The following SBF2 variants were observed in gnomAD, a reference collection of about 807,000 sequenced individuals.
The protein encoded by SBF2 is SET binding factor 2, also known as myotubularin-related protein 13.
SBF2 carries 112 observed loss-of-function variants against 225.2 expected under a neutral mutation model. The observed-to-expected ratio is 0.50, with a 90% CI of 0.43 to 0.58. SBF2 has a LOEUF of 0.58. Ranked by LOEUF, SBF2 falls within the 20% of genes least tolerant of loss-of-function variation. SBF2 has a pLI of 0.00. For synonymous variants in SBF2, 763 were observed against 773.3 expected, an observed-to-expected ratio of 0.99 and a Z score of 0.22; for missense variants, 1,996 against 2,206.2, an observed-to-expected ratio of 0.90 and a Z score of 1.91.
intron 1 of SBF2, among the ~76,000 whole-genome samples, chr11:10,209,370 C>T (rs987315625): frequency 6.6e-6 from 1 of 151,766 alleles, no homozygotes; most frequent in Non-Finnish European, 1.5e-5. Flanking sequence ...CCTGGAGCAT[C>T]GCATCTACAG....
At chr11:10,107,599 C>T (rs182657934) in intron 2 of SBF2, among the ~76,000 whole-genome samples, 3 of 152,298 alleles carry the variant, frequency 2.0e-5, no homozygotes, top group Admixed American at 2.0e-4. Context: ...ATTCTGGAAG[C>T]TCTGAAGGAT....
intron 6 of SBF2, among the ~76,000 whole-genome samples, chr11:10,006,630 A>T (rs993617039): frequency 5.3e-5 from 8 of 152,298 alleles, no homozygotes; most frequent in African/African-American, 1.9e-4. Flanking sequence ...TTATGTTAAG[A>T]AGACAAATAA....
intron 13 of SBF2, among the ~76,000 whole-genome samples, chr11:9,972,790 G>A (rs1041811463): frequency 6.6e-6 from 1 of 152,104 alleles, no homozygotes; most frequent in Non-Finnish European, 1.5e-5. Context: ...CCTCCAATAA[G>A]TTTTAAATAG....
At chr11:9,900,203 A>G (rs1232900351) in intron 16 of SBF2, among the ~76,000 whole-genome samples, 1 of 152,210 alleles carries the variant, frequency 6.6e-6, no homozygotes, top group African/African-American at 2.4e-5. Flanking sequence ...CAAAAATCCT[A>G]TGAAAGAATT....
At chr11:10,061,766 C>A (rs950509866) in intron 2 of SBF2, among the ~76,000 whole-genome samples, 1 of 152,148 alleles carries the variant, frequency 6.6e-6, no homozygotes, top group Admixed American at 6.5e-5. Context: ...GGCTACCTTG[C>A]CCAAAGCCAT....
In SBF2 at chr11:9,962,016, C is replaced by T; in HGVS notation, c.1801G>A (p.Ala601Thr). ...TCAAACTGTTGATGGTCTAATATTG[C>T]CCGGTTTTGCTGGACATGCAAACCC... ...ELGLHVQQNRAILDHQQFDYI... is the reference protein window; with the variant it reads ...ELGLHVQQNRTILDHQQFDYI... Residue 601 changes from alanine to threonine, a missense_variant, in exon 16 of 40, where the codon GCA (alanine) becomes ACA (threonine). Coordinates refer to ENST00000256190, the MANE Select transcript of SBF2 (RefSeq NM_030962.4). The T allele has an allele frequency of 6.2e-7, 1 of 1,614,020 alleles. No homozygotes were observed. Among genetic ancestry groups the T allele is most frequent in the Non-Finnish European group, 8.5e-7 (1 of 1,179,918 alleles).
intron 17 of SBF2, among the ~76,000 whole-genome samples, chr11:9,886,370 C>T (rs780169139): frequency 3.2e-4 from 48 of 151,840 alleles, no homozygotes; most frequent in Non-Finnish European, 1.3e-4. Context: ...TGTTTCTGAC[C>T]TCTATTCTTT....
At chr11:10,024,567 T>C (rs1948980301) in intron 6 of SBF2, among the ~76,000 whole-genome samples, 1 of 151,986 alleles carries the variant, frequency 6.6e-6, no homozygotes, top group Admixed American at 6.6e-5. Context: ...CCCAAACCCC[T>C]TCTTTGTTCT....
At chr11:9,881,392 G>C (rs1325352674) in intron 17 of SBF2, among the ~76,000 whole-genome samples, 1 of 152,100 alleles carries the variant, frequency 6.6e-6, no homozygotes, top group Admixed American at 6.5e-5. Flanking sequence ...TGAAGCCAGT[G>C]AAACTGATAA....
chr11:10,144,354 G>A (rs895368262), intron 2 of SBF2, among the ~76,000 whole-genome samples: 6 of 152,032 alleles, frequency 3.9e-5, no homozygotes, highest in Non-Finnish European at 8.8e-5. Context: ...CCAAGCTGGT[G>A]GTGTGCACCT....
intron 16 of SBF2, among the ~76,000 whole-genome samples, chr11:9,909,459 C>T (rs1862404202): frequency 6.6e-6 from 1 of 151,930 alleles, no homozygotes; most frequent in African/African-American, 2.4e-5. Flanking sequence ...ATCATGAGGT[C>T]AGGAGATCGA....
rs1253780135 is a variant in SBF2 at position 9,779,272 on chromosome 11, ATTAGT to A, written c.*1141_*1145del. 1 of 152,654 alleles carries A rather than the reference ATTAGT, an allele frequency of 6.6e-6. No homozygotes were observed. The highest frequency in any genetic ancestry group is 1.5e-5 in the Non-Finnish European group (1 of 68,048). 9.5% of individuals were successfully genotyped at this position (152,654 alleles called of 1,614,324 possible). On this transcript the variant is annotated 3_prime_UTR_variant, in exon 40 of 40. Coordinates refer to ENST00000256190, the MANE Select transcript of SBF2 (RefSeq NM_030962.4). ...AATCATATATACACATTTTTGAAAT[ATTAGT>A]TTAGTATTTAACATATTAACATTTC...
At chr11:9,782,792 C>T (rs887187702) in intron 38 of SBF2, among the ~76,000 whole-genome samples, 10 of 151,536 alleles carry the variant, frequency 6.6e-5, no homozygotes, top group African/African-American at 2.4e-4. Context: ...ATGGCGAGAA[C>T]CCAGGAGGTG....
intron 25 of SBF2, 152 bp from the exon 26 acceptor site, chr11:9,839,848 T>C: frequency 1.1e-6 from 1 of 920,536 alleles, no homozygotes; most frequent in Non-Finnish European, 1.8e-6. Context: ...ATTGAGGCCT[T>C]CAGGGTAGTA....
intron 17 of SBF2, among the ~76,000 whole-genome samples, chr11:9,866,661 G>T (rs1858246012): frequency 6.6e-6 from 1 of 152,174 alleles, no homozygotes; most frequent in East Asian, 1.9e-4. Flanking sequence ...GCAGGACATT[G>T]GTCTGGGCAA....
At chr11:10,185,747 G>A (rs939487912) in intron 2 of SBF2, among the ~76,000 whole-genome samples, 2 of 149,946 alleles carry the variant, frequency 1.3e-5, no homozygotes, top group African/African-American at 2.5e-5. Flanking sequence ...TCCTTATCTC[G>A]TACTTTTTAA....
chr11:10,148,687 C>T (rs1424469218), intron 2 of SBF2, among the ~76,000 whole-genome samples: 1 of 151,896 alleles, frequency 6.6e-6, no homozygotes, highest in African/African-American at 2.4e-5. Flanking sequence ...TCTGTCCTGT[C>T]TCCCTCTGTA....
intron 16 of SBF2, among the ~76,000 whole-genome samples, chr11:9,947,795 T>C (rs1190343213): frequency 6.6e-6 from 1 of 150,524 alleles, no homozygotes; most frequent in African/African-American, 2.4e-5. Flanking sequence ...AAATCAAGCG[T>C]TGGTGAGGAT....
At chr11:10,249,679 T>C (rs1016538951) in intron 1 of SBF2, among the ~76,000 whole-genome samples, 7 of 151,716 alleles carry the variant, frequency 4.6e-5, no homozygotes, top group Non-Finnish European at 8.8e-5. Context: ...AATAGTCTCT[T>C]CTGACTTCTA....
Sources: gnomAD v4.1 joint callset for allele counts (sites outside exome capture counted in the v4.1 genomes callset) on GRCh38, gnomAD v4.1.1 for gene constraint, MANE v1.5 for transcripts, NCBI Gene and HGNC (gene_info 2026-07-23, HGNC 2026-07-21) for gene names.